The following RCAN2 variants were observed in gnomAD, a reference collection of about 807,000 sequenced individuals.
RCAN2 encodes the protein calcipressin-2.
A neutral mutation model predicts 23.6 loss-of-function variants in RCAN2; 9 were observed. The ratio of observed to expected loss-of-function variants is 0.38; its 90% CI spans 0.23 to 0.67. The LOEUF is 0.67. Among genes scored for constraint, RCAN2 ranks in the 30% least tolerant of loss-of-function variants. The pLI is 0.51. For synonymous variants in RCAN2, 109 were observed against 115.7 expected, an observed-to-expected ratio of 0.94 and a Z score of 0.37; for missense variants, 273 against 302.3, an observed-to-expected ratio of 0.90 and a Z score of 0.72.
chr6:46,399,044 T>C (rs1281641572), intron 2 of RCAN2, among the ~76,000 whole-genome samples: 1 of 152,066 alleles, frequency 6.6e-6, no homozygotes, highest in Non-Finnish European at 1.5e-5. Flanking sequence ...GACAACAATC[T>C]TTTTCCTTTT....
At chr6:46,443,668 C>A (rs961856963) in intron 2 of RCAN2, among the ~76,000 whole-genome samples, 2 of 152,080 alleles carry the variant, frequency 1.3e-5, no homozygotes, top group Non-Finnish European at 2.9e-5. Context: ...TATAAATTGA[C>A]GTATAAAGCA....
intron 1 of RCAN2, among the ~76,000 whole-genome samples, chr6:46,472,568 A>G (rs1439831492): frequency 1.3e-5 from 2 of 152,086 alleles, no homozygotes; most frequent in Admixed American, 1.3e-4. Flanking sequence ...TAAATCCCCC[A>G]TGATGCTGTC....
At chr6:46,304,541 T>C (rs116193312) in intron 2 of RCAN2, among the ~76,000 whole-genome samples, 241 of 152,262 alleles carry the variant, frequency 1.6e-3, no homozygotes, top group African/African-American at 5.6e-3. Context: ...TCAGAAGCCA[T>C]TTAGAAGTTG....
At chr6:46,350,190 A>C (rs1764604374) in intron 2 of RCAN2, among the ~76,000 whole-genome samples, 1 of 152,228 alleles carries the variant, frequency 6.6e-6, no homozygotes, top group Non-Finnish European at 1.5e-5. Context: ...ATTATGGCTC[A>C]AAGCAGCTCC....
chr6:46,468,780 T>C (rs1461954281), intron 1 of RCAN2: 1 of 982,710 alleles, frequency 1.0e-6, no homozygotes, highest in African/African-American at 1.7e-5. Context: ...CTCCGCTAGA[T>C]GTTCCAGAGC....
At chr6:46,263,260 A>C (rs542942760) in intron 2 of RCAN2, among the ~76,000 whole-genome samples, 2 of 152,270 alleles carry the variant, frequency 1.3e-5, no homozygotes, top group East Asian at 1.9e-4. Context: ...ATGCACACTA[A>C]ACATATGTAT....
chr6:46,354,897 A>ATG (rs6149559), intron 2 of RCAN2, among the ~76,000 whole-genome samples: 3,635 of 144,640 alleles, frequency 0.025, 33 homozygotes, highest in Middle Eastern at 0.058. Flanking sequence ...AAGATTATAT[A>ATG]TGTGTGTGTG....
intron 2 of RCAN2, among the ~76,000 whole-genome samples, chr6:46,390,350 A>AAT (rs1177532305): frequency 6.6e-6 from 1 of 152,220 alleles, no homozygotes; most frequent in Non-Finnish European, 1.5e-5. Flanking sequence ...TGGAATGCCA[A>AAT]ATATACCATG....
chr6:46,421,989 G>C (rs1047645462), intron 2 of RCAN2, among the ~76,000 whole-genome samples: 1 of 152,164 alleles, frequency 6.6e-6, no homozygotes, highest in Non-Finnish European at 1.5e-5. Flanking sequence ...AGTGAGCTAC[G>C]TATAGGACCA....
At chr6:46,417,130 A>G (rs553784812) in intron 2 of RCAN2, among the ~76,000 whole-genome samples, 1 of 152,228 alleles carries the variant, frequency 6.6e-6, no homozygotes, top group African/African-American at 2.4e-5. Context: ...TGGAGAATAC[A>G]TGTGTCATAG....
intron 2 of RCAN2, among the ~76,000 whole-genome samples, chr6:46,422,554 CAG>C (rs1461099758): frequency 6.6e-6 from 1 of 152,066 alleles, no homozygotes; most frequent in Non-Finnish European, 1.5e-5. Flanking sequence ...ATGTTCCAAA[CAG>C]ATTTAAAAAG....
At chr6:46,255,231 A>G (rs967811685) in intron 2 of RCAN2, among the ~76,000 whole-genome samples, 2 of 151,968 alleles carry the variant, frequency 1.3e-5, no homozygotes, top group African/African-American at 4.8e-5. Context: ...TTCCAAGGTG[A>G]TGAGTACAAG....
In RCAN2 at chr6:46,223,012, C is replaced by G; in HGVS notation, c.*129G>C. ...TTTCCTAGCCCTTTTGTCCGAGAGG[C>G]TTGATAACAAGGAAGGAATCTCAAA... is the stretch of plus-strand genomic sequence containing the variant. On this transcript the variant is annotated 3_prime_UTR_variant, in exon 5 of 5. Transcript: ENST00000371374. The G allele has an allele frequency of 1.0e-6, 1 of 953,346 alleles. No homozygotes were observed. The highest frequency in any genetic ancestry group is 2.4e-5 in the Admixed American group (1 of 42,090). The allele number at this position is 953,346 out of a possible 1,614,324, so 59.1% of individuals were successfully genotyped here. A position where few individuals can be genotyped will look rare whatever the true frequency, so the allele number is the denominator to read the frequency against.
At chr6:46,289,764 G>C (rs1328044140) in intron 2 of RCAN2, among the ~76,000 whole-genome samples, 1 of 152,160 alleles carries the variant, frequency 6.6e-6, no homozygotes, top group Admixed American at 6.5e-5. Context: ...ATGACACCCT[G>C]CATCAATTCT....
At chr6:46,461,356 T>C (rs1306881589) in intron 1 of RCAN2, among the ~76,000 whole-genome samples, 1 of 152,202 alleles carries the variant, frequency 6.6e-6, no homozygotes, top group Non-Finnish European at 1.5e-5. Flanking sequence ...ACTCTTCTGT[T>C]GTTTGACATT....
chr6:46,346,430 A>G (rs143008074), intron 2 of RCAN2, among the ~76,000 whole-genome samples: 31 of 152,314 alleles, frequency 2.0e-4, no homozygotes, highest in East Asian at 1.3e-3. Context: ...TGGTAATATT[A>G]TGCTTGGAAA....
Position 46,264,001 on chromosome 6 carries a change from T to C in RCAN2, c.226-15105A>G, listed in dbSNP as rs570170636. Among the ~76,000 whole-genome samples the C allele has an allele frequency of 6.8e-4, 103 of 152,352 alleles. No individual in the cohort carries two copies. The South Asian group carries it at 0.021, about 31-fold the overall frequency. On this transcript the variant is annotated intron_variant, in intron 2 of 4. Coordinates refer to ENST00000371374, the MANE Select transcript of RCAN2 (RefSeq NM_001251974.2). ...TCTAAATGATGGGTCATGAGCCTGCTGATGCAGATAGGCAAACTGCTCACC... is the reference window on the plus strand; with the variant it reads ...TCTAAATGATGGGTCATGAGCCTGCCGATGCAGATAGGCAAACTGCTCACC...
At chr6:46,280,422 A>T (rs1016782467) in intron 2 of RCAN2, among the ~76,000 whole-genome samples, 1 of 151,732 alleles carries the variant, frequency 6.6e-6, no homozygotes, top group Non-Finnish European at 1.5e-5. Flanking sequence ...GGTTAAAAGG[A>T]TCTTTGCTGA....
At chr6:46,490,702 C>T (rs915441641) in intron 1 of RCAN2, among the ~76,000 whole-genome samples, 1 of 152,194 alleles carries the variant, frequency 6.6e-6, no homozygotes, top group Non-Finnish European at 1.5e-5. Flanking sequence ...GCACCTACCC[C>T]CTCCCCAGCC....
Sources: allele counts gnomAD v4.1 joint callset (sites outside exome capture counted in the v4.1 genomes callset), GRCh38; gene constraint gnomAD v4.1.1; transcripts MANE v1.5; gene names NCBI Gene and HGNC (gene_info 2026-07-23, HGNC 2026-07-21).